The following NFX1 variants were observed in gnomAD, a reference collection of about 807,000 sequenced individuals.
NFX1 encodes nuclear transcription factor, X-box binding 1.
In NFX1, 69 loss-of-function variants were observed where a neutral mutation model predicts 137.2. That is an observed-to-expected ratio of 0.50 (90% CI 0.41 to 0.61). The LOEUF is 0.61. Ranked by LOEUF, NFX1 falls within the 20% of genes least tolerant of loss-of-function variation. The pLI is 0.00. For missense variants in NFX1, 1,167 were observed against 1,391.0 expected (o/e 0.84, Z 2.56); for synonymous variants, 495 against 474.1 (o/e 1.04, Z -0.57).
At chr9:33,351,532 A>G (rs375626132) in intron 15 of NFX1, 28 bp from the exon 16 acceptor site, 6 of 1,597,450 alleles carry the variant, frequency 3.8e-6, no homozygotes, top group African/African-American at 1.3e-5. Context: ...CATGGAGATG[A>G]GAATCTGGCT....
intron 7 of NFX1, among the ~76,000 whole-genome samples, chr9:33,317,489 G>T (rs1043143584): frequency 1.3e-5 from 2 of 148,396 alleles, no homozygotes; most frequent in Non-Finnish European, 3.0e-5. Flanking sequence ...GATGAAATGT[G>T]TATTTTAAAA....
rs781569062 is a variant in NFX1, at chr9:33,294,972, G to C, written c.578G>C (p.Ser193Thr). 16 of 1,614,054 alleles carry C rather than the reference G, an allele frequency of 9.9e-6. No individual in the cohort carries two copies. The highest frequency in any genetic ancestry group is 1.4e-5 in the Non-Finnish European group (16 of 1,180,036). Residue 193 changes from serine to threonine, a missense_variant, in exon 2 of 24, where the codon AGT becomes ACT. Physicochemically the swap from Ser to Thr is moderately conservative, Grantham distance 58. Coordinates refer to ENST00000379540, the MANE Select transcript of NFX1 (RefSeq NM_002504.6). Reference sequence around the variant, plus strand: ...AAGGGGAAACTCAAATGTGAATGGAGTAACCGAACAACTCCAAAACCGGAG... The same window carrying C: ...AAGGGGAAACTCAAATGTGAATGGACTAACCGAACAACTCCAAAACCGGAG... ...KVKGKLKCEW[S>T]NRTTPKPEDA...
intron 19 of NFX1, among the ~76,000 whole-genome samples, chr9:33,358,568 G>A (rs1823888927): frequency 6.9e-6 from 1 of 145,534 alleles, no homozygotes; most frequent in Non-Finnish European, 1.5e-5. Flanking sequence ...TTAGAAATGT[G>A]TTACAGAAGA....
In NFX1 at chr9:33,294,659, T is replaced by C. The variant is rs1821283227; in HGVS notation, c.265T>C (p.Ser89Pro). 5 of 1,614,142 alleles carry C rather than the reference T, an allele frequency of 3.1e-6. No individual in the cohort carries two copies. The highest frequency in any genetic ancestry group is 2.7e-5 in the African/African-American group (2 of 75,038). ...KPKSQQTSFQ[S>P]SPCNKSPKSH... ...TAAGAGTCAGCAGACGTCTTTCCAG[T>C]CCTCTCCTTGTAATAAATCGCCCAA... Residue 89 changes from serine (S) to proline (P), a missense_variant, in exon 2 of 24, where the codon TCC becomes CCC. Ser to Pro is a moderately conservative substitution (Grantham distance 74, BLOSUM62 -1). Coordinates refer to ENST00000379540, the MANE Select transcript of NFX1 (RefSeq NM_002504.6).
Position 33,334,523 on chromosome 9 carries a change from TA to T in NFX1, c.2035+2030del, listed in dbSNP as rs890431023. Among the ~76,000 whole-genome samples the T allele has an allele frequency of 2.2e-4, 34 of 151,640 alleles. No homozygotes were observed. In the East Asian group the frequency reaches 3.5e-3, roughly 16 times the overall value. On this transcript the variant is annotated intron_variant, in intron 11 of 23. Transcript: ENST00000379540. ...ACAAAATTAATACACTTATGAAGTT[TA>T]AAAAAAAATATGAAGTGAAAGATGA...
At chr9:33,300,070 T>C (rs1821497142) in intron 2 of NFX1, among the ~76,000 whole-genome samples, 1 of 139,000 alleles carries the variant, frequency 7.2e-6, no homozygotes, top group African/African-American at 2.7e-5. Context: ...ATAGCATTTT[T>C]TTTTTTTTTT....
intron 12 of NFX1, 64 bp downstream of exon 12, chr9:33,338,653 G>A (rs1197840261): frequency 7.2e-7 from 1 of 1,394,118 alleles, no homozygotes; most frequent in Non-Finnish European, 9.8e-7. Context: ...CTGGAAGCCT[G>A]AGCCATGTGG....
At chr9:33,329,497 G>A (rs1822720913) in intron 10 of NFX1, among the ~76,000 whole-genome samples, 1 of 152,072 alleles carries the variant, frequency 6.6e-6, no homozygotes, top group Non-Finnish European at 1.5e-5. Flanking sequence ...ACTTATATCA[G>A]GCATGGCATT....
At chr9:33,366,836 AG>A in intron 22 of NFX1, 62 bp downstream of exon 22, 1 of 1,563,170 alleles carries the variant, frequency 6.4e-7, no homozygotes, top group Non-Finnish European at 8.7e-7. Flanking sequence ...CCCAAGAAGC[AG>A]GGTCTGTCAA....
intron 2 of NFX1, among the ~76,000 whole-genome samples, chr9:33,299,142 T>A (rs1262281375): frequency 6.6e-6 from 1 of 152,220 alleles, no homozygotes; most frequent in African/African-American, 2.4e-5. Flanking sequence ...AATGTTAACG[T>A]CTTACATAAC....
intron 1 of NFX1, among the ~76,000 whole-genome samples, chr9:33,292,783 T>C (rs1821210196): frequency 6.6e-6 from 1 of 152,226 alleles, no homozygotes; most frequent in Non-Finnish European, 1.5e-5. Flanking sequence ...TTTCCTATCC[T>C]TTACTAGGCT....
chr9:33,370,153 G>A lies in NFX1; in HGVS notation c.*175G>A. On this transcript the variant is annotated 3_prime_UTR_variant, in exon 24 of 24. Transcript: ENST00000379540. ...AGAAATCCCTTGTCTATTCCTGTCTGTATAAAGTGTTTCATTATGACCAGA... is the reference window on the plus strand; with the variant it reads ...AGAAATCCCTTGTCTATTCCTGTCTATATAAAGTGTTTCATTATGACCAGA... The A allele has an allele frequency of 1.8e-6, 1 of 553,730 alleles. No individual in the cohort carries two copies. The highest frequency in any genetic ancestry group is 3.2e-6 in the Non-Finnish European group (1 of 316,780). The allele number at this position is 553,730 out of a possible 1,614,324, so 34.3% of individuals were successfully genotyped here.
chr9:33,359,652 CTT>C (rs1369061661), intron 19 of NFX1, among the ~76,000 whole-genome samples: 3 of 151,804 alleles, frequency 2.0e-5, no homozygotes, highest in Non-Finnish European at 2.9e-5. Flanking sequence ...ATGGGGAAAA[CTT>C]TAAGTATTTC....
intron 11 of NFX1, among the ~76,000 whole-genome samples, chr9:33,333,597 G>A (rs1822891244): frequency 6.6e-6 from 1 of 152,172 alleles, no homozygotes; most frequent in Admixed American, 6.5e-5. Flanking sequence ...AGTACACTGT[G>A]TCCAATTCTT....
intron 19 of NFX1, among the ~76,000 whole-genome samples, chr9:33,360,566 G>C (rs542486143): frequency 3.9e-4 from 59 of 151,916 alleles, no homozygotes; most frequent in Non-Finnish European, 7.8e-4. Flanking sequence ...ACAAACCTAA[G>C]AGAAAAAAAT....
intron 4 of NFX1, among the ~76,000 whole-genome samples, chr9:33,304,210 C>A (rs1471372703): frequency 2.0e-5 from 3 of 152,150 alleles, no homozygotes; most frequent in Non-Finnish European, 4.4e-5. Flanking sequence ...TGCAATGATC[C>A]AAGATCATGC....
At chr9:33,324,009 A>G (rs1822485608) in intron 9 of NFX1, among the ~76,000 whole-genome samples, 2 of 152,098 alleles carry the variant, frequency 1.3e-5, no homozygotes, top group South Asian at 4.1e-4. Context: ...TGAGAGATGG[A>G]GGCAGGAGAA....
At chr9:33,357,521 T>C (rs1564146714) in intron 19 of NFX1, among the ~76,000 whole-genome samples, 1 of 151,994 alleles carries the variant, frequency 6.6e-6, no homozygotes, top group East Asian at 1.9e-4. Flanking sequence ...TTCCACTTAA[T>C]GTCTTTTTCA....
chr9:33,350,382 C>T (rs967252662), intron 15 of NFX1, among the ~76,000 whole-genome samples: 3 of 151,782 alleles, frequency 2.0e-5, no homozygotes, highest in African/African-American at 7.3e-5. Flanking sequence ...CTAAGGTTGC[C>T]CTCCACCCCG....
Sources: gnomAD v4.1 joint callset for allele counts (sites outside exome capture counted in the v4.1 genomes callset) on GRCh38, gnomAD v4.1.1 for gene constraint, MANE v1.5 for transcripts, NCBI Gene and HGNC (gene_info 2026-07-23, HGNC 2026-07-21) for gene names.